EPB41L2: variants seen among roughly 807,000 people sequenced by gnomAD.
EPB41L2 encodes the protein band 4.1-like protein 2.
In EPB41L2, 43 loss-of-function variants were observed where a neutral mutation model predicts 113.0. The observed-to-expected ratio is 0.38, with a 90% CI of 0.30 to 0.49. The LOEUF (loss-of-function observed/expected upper bound fraction) is 0.49, where lower values mean the gene tolerates loss of function less well. Among genes scored for constraint, EPB41L2 ranks in the 20% least tolerant of loss-of-function variants. The probability of loss-of-function intolerance (pLI) is 0.95; values close to 1 mark genes in which losing one functional copy is unlikely to be tolerated. For synonymous variants in EPB41L2, 442 were observed against 436.7 expected (o/e 1.01, Z -0.15); for missense variants, 1,147 against 1,223.4 (o/e 0.94, Z 0.93).
intron 1 of EPB41L2, among the ~76,000 whole-genome samples, chr6:131,007,841 C>G (rs1197956554): frequency 6.6e-6 from 1 of 152,154 alleles, no homozygotes; most frequent in African/African-American, 2.4e-5. Context: ...GCAAAGCATT[C>G]AAGATGTGAC....
intron 14 of EPB41L2, among the ~76,000 whole-genome samples, chr6:130,874,300 A>G (rs1786771113): frequency 6.6e-6 from 1 of 152,160 alleles, no homozygotes; most frequent in South Asian, 2.1e-4. Context: ...TGCTTTTTTA[A>G]AAAGCTATAA....
chr6:130,851,792 A>C (rs1562292930), intron 19 of EPB41L2, among the ~76,000 whole-genome samples: 1 of 152,016 alleles, frequency 6.6e-6, no homozygotes, highest in East Asian at 1.9e-4. Context: ...CTCCTTCTTG[A>C]AGTTATCTTG....
At chr6:131,051,931 G>T (rs1796645069) in intron 1 of EPB41L2, among the ~76,000 whole-genome samples, 1 of 123,440 alleles carries the variant, frequency 8.1e-6, no homozygotes, top group Non-Finnish European at 1.6e-5. Flanking sequence ...GTGCTGTGTT[G>T]ATTTTTTTTT....
At chr6:130,988,709 T>C (rs1239909882) in intron 1 of EPB41L2, among the ~76,000 whole-genome samples, 1 of 152,086 alleles carries the variant, frequency 6.6e-6, no homozygotes, top group Non-Finnish European at 1.5e-5. Context: ...GAAAAAATAT[T>C]TGGAGGGAAA....
intron 15 of EPB41L2, chr6:130,868,763 G>A (rs1784705983): frequency 6.6e-6 from 1 of 152,180 alleles, no homozygotes; most frequent in African/African-American, 2.4e-5. Context: ...CCAAATGAGA[G>A]ACACTGCACT....
intron 1 of EPB41L2, among the ~76,000 whole-genome samples, chr6:131,003,815 C>T (rs530739600): frequency 6.6e-6 from 1 of 152,008 alleles, no homozygotes; most frequent in Non-Finnish European, 1.5e-5. Context: ...CAGGTTATAT[C>T]GGAAAAAAAG....
chr6:130,894,984 T>C lies in EPB41L2; in HGVS notation c.1372A>G (p.Lys458Glu). The change falls in exon 9 of 20, where the codon AAA (lysine) becomes GAA (glutamate). Residue 458 changes from lysine to glutamate, a missense_variant. Lys to Glu is a moderately conservative substitution (Grantham distance 56, BLOSUM62 1). Transcript: ENST00000337057. Reference sequence around the variant, plus strand: ...TGGCTTACCTCTGCCGGTCTGACTTTAATGTAGAAGTTACTGCGTTTATAG... The same window carrying C: ...TGGCTTACCTCTGCCGGTCTGACTTCAATGTAGAAGTTACTGCGTTTATAG... ...ISYKRSNFYI[K>E]VRPAELEQFE... 6.2e-7 allele frequency: 1 copy of C among 1,613,708 alleles called. No individual in the cohort carries two copies. The highest frequency in any genetic ancestry group is 8.5e-7 in the Non-Finnish European group (1 of 1,179,734).
chr6:130,914,839 C>T (rs1800448574), intron 4 of EPB41L2, among the ~76,000 whole-genome samples: 1 of 152,174 alleles, frequency 6.6e-6, no homozygotes, highest in Non-Finnish European at 1.5e-5. Flanking sequence ...TCCTTACTTT[C>T]TCCTCTCCAT....
At chr6:131,014,181 A>G (rs185552060) in intron 1 of EPB41L2, 25 of 152,284 alleles carry the variant, frequency 1.6e-4, no homozygotes, top group Middle Eastern at 3.4e-3. Flanking sequence ...CACAGGATGA[A>G]GCCGAAGTTC....
intron 4 of EPB41L2, among the ~76,000 whole-genome samples, chr6:130,919,585 A>G (rs1412758954): frequency 1.3e-5 from 2 of 152,158 alleles, no homozygotes; most frequent in African/African-American, 4.8e-5. Flanking sequence ...CCAATGTATC[A>G]GCCTATTACA....
At chr6:130,850,030 G>T (rs561805737) in intron 19 of EPB41L2, among the ~76,000 whole-genome samples, 282 of 152,238 alleles carry the variant, frequency 1.9e-3, no homozygotes, top group African/African-American at 6.3e-3. Context: ...GGTCAGTCAG[G>T]AGTTCGAGAC....
intron 1 of EPB41L2, among the ~76,000 whole-genome samples, chr6:131,048,819 T>C (rs1297382764): frequency 6.6e-6 from 1 of 152,198 alleles, no homozygotes; most frequent in Non-Finnish European, 1.5e-5. Context: ...GTACATTCTT[T>C]CTTCCAAAAA....
chr6:130,987,372 C>A (rs929899355), intron 1 of EPB41L2, among the ~76,000 whole-genome samples: 1 of 152,194 alleles, frequency 6.6e-6, no homozygotes, highest in African/African-American at 2.4e-5. Context: ...CCTGGGCCTA[C>A]TGTGGCCAAG....
Position 130,956,414 on chromosome 6 carries a change from C to G in EPB41L2, c.72G>C (p.Lys24Asn), listed in dbSNP as rs1472573704. ...TTTCTGCTACTTCTTTAGGTTTTTC[C>G]TTGGTTGCATCTGTTCCTAACTGGC... The part of the protein sequence containing the change: ...DSSQLGTDAT[K>N]EKPKEVAENQ... Residue 24 changes from lysine (K) to asparagine (N), a missense_variant, in exon 2 of 20, where the codon AAG becomes AAC. Coordinates refer to ENST00000337057, the MANE Select transcript of EPB41L2 (RefSeq NM_001431.4). 1 of 1,614,040 alleles carries G rather than the reference C, an allele frequency of 6.2e-7. No individual in the cohort carries two copies. The highest frequency in any genetic ancestry group is 1.7e-5 in the Admixed American group (1 of 60,016).
intron 1 of EPB41L2, among the ~76,000 whole-genome samples, chr6:131,024,622 C>A (rs1279619525): frequency 2.0e-5 from 3 of 152,134 alleles, no homozygotes; most frequent in Non-Finnish European, 2.9e-5. Flanking sequence ...GCGCAAGGAC[C>A]GACCGTGTCT....
At chr6:131,019,904 G>A (rs1189199654) in intron 1 of EPB41L2, among the ~76,000 whole-genome samples, 1 of 152,010 alleles carries the variant, frequency 6.6e-6, no homozygotes, top group Non-Finnish European at 1.5e-5. Context: ...TCTATTTTCT[G>A]GAACAGTGTG....
chr6:130,973,527 A>C (rs1368330887), intron 1 of EPB41L2, among the ~76,000 whole-genome samples: 1 of 151,436 alleles, frequency 6.6e-6, no homozygotes, highest in Non-Finnish European at 1.5e-5. Context: ...GCCTTTGTGA[A>C]AGGAAAATAA....
At chr6:130,895,169 C>G in intron 8 of EPB41L2, 50 bp from the exon 9 acceptor site, 1 of 1,534,092 alleles carries the variant, frequency 6.5e-7, no homozygotes. Flanking sequence ...GAAAGTTACA[C>G]AAATCAAGAA....
intron 1 of EPB41L2, among the ~76,000 whole-genome samples, chr6:131,062,784 T>G (rs1197219349): frequency 6.6e-6 from 1 of 151,380 alleles, no homozygotes; most frequent in Non-Finnish European, 1.5e-5. Context: ...GGGGACGGCG[T>G]CCTCCCCGTG....
Sources: gnomAD v4.1 joint callset for allele counts (sites outside exome capture counted in the v4.1 genomes callset) on GRCh38, gnomAD v4.1.1 for gene constraint, MANE v1.5 for transcripts, NCBI Gene and HGNC (gene_info 2026-07-23, HGNC 2026-07-21) for gene names.